MTTP: variants seen among roughly 807,000 people sequenced by gnomAD.
The protein encoded by MTTP is microsomal triglyceride transfer protein.
Under a neutral mutation model 90.6 loss-of-function variants are expected in MTTP, and 49 were observed. That is an observed-to-expected ratio of 0.54 (90% CI 0.43 to 0.69). The LOEUF (loss-of-function observed/expected upper bound fraction) is 0.69. Ranked by LOEUF, MTTP falls within the 30% of genes least tolerant of loss-of-function variation. MTTP has a pLI of 0.00. For synonymous variants in MTTP, 347 were observed against 384.2 expected, an observed-to-expected ratio of 0.90 and a Z score of 1.13; for missense variants, 945 against 1,067.5, an observed-to-expected ratio of 0.89 and a Z score of 1.60.
chr4:99,574,536 T>A (rs1252816322), upstream of MTTP, among the ~76,000 whole-genome samples: 2 of 152,238 alleles, frequency 1.3e-5, no homozygotes, highest in East Asian at 3.8e-4. Context: ...TGATTATGTA[T>A]TAAGCAGAAA....
intron 3 of MTTP, among the ~76,000 whole-genome samples, chr4:99,588,984 T>TATATATATTC (rs1560616419): frequency 1.3e-4 from 3 of 22,960 alleles, no homozygotes; most frequent in African/African-American, 4.3e-4. Context: ...TATACACACA[T>TATATATATTC]ATATATATGT....
In MTTP at chr4:99,611,225, A is replaced by G; in HGVS notation, c.1852A>G (p.Thr618Ala). ...CAGGAGTGGATCTTCTTCTGCCTAC[A>G]CTGGCTACATAGAACGTATGTACAC... The part of the protein sequence containing the change: ...FSRSGSSSAY[T>A]GYIERSPRSA... The change falls in exon 13 of 18, where the codon ACT (threonine) becomes GCT (alanine). Residue 618 changes from threonine (T) to alanine (A), a missense_variant. By Grantham distance (58) the Thr-to-Ala change is moderately conservative. Coordinates refer to ENST00000265517, the MANE Select transcript of MTTP (RefSeq NM_001386140.1). 2 of 1,613,884 alleles carry G rather than the reference A, an allele frequency of 1.2e-6. No homozygotes were observed. The highest frequency in any genetic ancestry group is 1.7e-6 in the Non-Finnish European group (2 of 1,179,872).
chr4:99,584,453 A>G (rs1247885240), intron 3 of MTTP, among the ~76,000 whole-genome samples: 1 of 152,174 alleles, frequency 6.6e-6, no homozygotes, highest in East Asian at 1.9e-4. Flanking sequence ...TTGAAAACAA[A>G]TACTTTGGAC....
chr4:99,578,772 A>G (rs1284031217), intron 1 of MTTP, among the ~76,000 whole-genome samples: 4 of 152,222 alleles, frequency 2.6e-5, no homozygotes, highest in African/African-American at 9.7e-5. Flanking sequence ...GGTAAATTTA[A>G]ACATCAAATC....
intron 1 of MTTP, among the ~76,000 whole-genome samples, chr4:99,565,333 G>C (rs2110201754): frequency 6.6e-6 from 1 of 152,238 alleles, no homozygotes; most frequent in Admixed American, 6.5e-5. Context: ...TAATAATGAA[G>C]TCAATAAATT....
intron 4 of MTTP, among the ~76,000 whole-genome samples, chr4:99,590,093 G>C (rs1393589825): frequency 6.6e-6 from 1 of 150,912 alleles, no homozygotes. Flanking sequence ...GATCGGGGAG[G>C]ACCCGAACGT....
At chr4:99,570,914 C>T (rs1279451128), upstream of MTTP, 1 of 372,314 alleles carries the variant, frequency 2.7e-6, no homozygotes, top group African/African-American at 2.1e-5. Context: ...ATACACCTGC[C>T]AATACTTTCA....
At chr4:99,611,059 C>G in intron 12 of MTTP, 84 bp from the exon 13 acceptor site, 2 of 1,472,570 alleles carry the variant, frequency 1.4e-6, no homozygotes, top group Non-Finnish European at 9.5e-7. Context: ...CTTTTTTCCA[C>G]TGAGGATTTT....
intron 12 of MTTP, 24 bp from the exon 13 acceptor site, chr4:99,611,119 T>G (rs750255703): frequency 3.8e-6 from 6 of 1,572,440 alleles, no homozygotes; most frequent in Non-Finnish European, 5.2e-6. Flanking sequence ...AATGTGCAGC[T>G]TTTTTTTTCC....
chr4:99,597,352 C>A, intron 8 of MTTP, 128 bp downstream of exon 8: 1 of 1,059,182 alleles, frequency 9.4e-7, no homozygotes, highest in Non-Finnish European at 1.4e-6. Context: ...TCTTGTACTA[C>A]ATTTTCATCG....
At chr4:99,622,355 G>A (rs1043117734) in intron 17 of MTTP, among the ~76,000 whole-genome samples, 1 of 152,148 alleles carries the variant, frequency 6.6e-6, no homozygotes, top group Admixed American at 6.5e-5. Flanking sequence ...TGCTCCCAAG[G>A]TGGGGCTTCT....
At chr4:99,619,156 T>G in intron 16 of MTTP, 58 bp downstream of exon 16, 1 of 1,469,980 alleles carries the variant, frequency 6.8e-7, no homozygotes, top group Non-Finnish European at 9.5e-7. Context: ...TACAGAGAAC[T>G]TCCGAAATAT....
intron 1 of MTTP, among the ~76,000 whole-genome samples, chr4:99,569,480 A>G (rs1410783590): frequency 1.3e-5 from 2 of 152,080 alleles, no homozygotes; most frequent in African/African-American, 2.4e-5. Flanking sequence ...AACTACACTA[A>G]TGTAAGTTAT....
intron 7 of MTTP, among the ~76,000 whole-genome samples, 155 bp from the exon 8 acceptor site, chr4:99,596,912 A>G (rs1725566594): frequency 6.6e-6 from 1 of 152,166 alleles, no homozygotes; most frequent in Non-Finnish European, 1.5e-5. Context: ...GGGGTATGAT[A>G]TGGGCAGGGA....
chr4:99,591,562 T>C (rs1725421350), intron 5 of MTTP, 89 bp from the exon 6 acceptor site: 7 of 1,436,638 alleles, frequency 4.9e-6, no homozygotes, highest in Non-Finnish European at 6.7e-6. Flanking sequence ...GGAAGCTGTT[T>C]GTAGACTGAA....
At chr4:99,565,374 T>A (rs1010752626) in intron 1 of MTTP, among the ~76,000 whole-genome samples, 5 of 151,418 alleles carry the variant, frequency 3.3e-5, no homozygotes, top group African/African-American at 7.3e-5. Flanking sequence ...AACTTTGTAG[T>A]CATTTGGTGC....
chr4:99,566,060 C>T (rs1056151507), intron 1 of MTTP, among the ~76,000 whole-genome samples: 2 of 152,038 alleles, frequency 1.3e-5, no homozygotes, highest in Non-Finnish European at 2.9e-5. Flanking sequence ...GAGGCCTAGG[C>T]GGGCGGATCA....
At chr4:99,607,772 G>T (rs929835069) in intron 11 of MTTP, among the ~76,000 whole-genome samples, 1 of 152,116 alleles carries the variant, frequency 6.6e-6, no homozygotes, top group South Asian at 2.1e-4. Flanking sequence ...GAAAACAAAA[G>T]GATCCTAATG....
At chr4:99,619,796 A>G (rs929599070) in intron 16 of MTTP, among the ~76,000 whole-genome samples, 5 of 152,230 alleles carry the variant, frequency 3.3e-5, no homozygotes, top group Admixed American at 6.5e-5. Flanking sequence ...AGGAACTGAG[A>G]GCAATCAAAC....
Sources: allele counts gnomAD v4.1 joint callset (sites outside exome capture counted in the v4.1 genomes callset), GRCh38; gene constraint gnomAD v4.1.1; transcripts MANE v1.5; gene names NCBI Gene and HGNC (gene_info 2026-07-23, HGNC 2026-07-21).